EBF2: variants seen among roughly 807,000 people sequenced by gnomAD.
EBF2 encodes EBF transcription factor 2.
In EBF2, 21 loss-of-function variants were observed where a neutral mutation model predicts 72.8. That is an observed-to-expected ratio of 0.29 (90% confidence interval 0.20 to 0.42). The LOEUF (loss-of-function observed/expected upper bound fraction) is 0.42. EBF2 is among the 10% of genes least tolerant of loss of function. The probability of loss-of-function intolerance (pLI) is 1.00; values close to 1 mark genes in which losing one functional copy is unlikely to be tolerated. For synonymous variants in EBF2, 299 were observed against 274.2 expected (o/e 1.09, Z -0.89); for missense variants, 637 against 731.2 (o/e 0.87, Z 1.49).
At chr8:25,882,458 G>C (rs769464530) in intron 10 of EBF2, among the ~76,000 whole-genome samples, 7 of 152,204 alleles carry the variant, frequency 4.6e-5, no homozygotes, top group Non-Finnish European at 8.8e-5. Flanking sequence ...AGGTGGTGAA[G>C]TTTTCAGGAA....
intron 6 of EBF2, among the ~76,000 whole-genome samples, chr8:25,957,330 C>G (rs1429513447): frequency 6.6e-6 from 1 of 152,176 alleles, no homozygotes; most frequent in Non-Finnish European, 1.5e-5. Context: ...AACAAAGGCT[C>G]TAAAATACAC....
At chr8:26,026,185 A>T (rs1385721) in intron 6 of EBF2, among the ~76,000 whole-genome samples, 62,726 of 151,648 alleles carry the variant, frequency 0.41, 14,111 homozygotes, top group Middle Eastern at 0.58. Context: ...TCAAAAAGAA[A>T]TTTTTTTTAA....
At chr8:26,024,192 C>T (rs1035538028) in intron 6 of EBF2, among the ~76,000 whole-genome samples, 1 of 152,046 alleles carries the variant, frequency 6.6e-6, no homozygotes, top group African/African-American at 2.4e-5. Flanking sequence ...GCCATTCTGC[C>T]CCAATTTGTA....
At chr8:25,880,879 C>G (rs181008745) in intron 10 of EBF2, among the ~76,000 whole-genome samples, 1 of 152,144 alleles carries the variant, frequency 6.6e-6, no homozygotes, top group Admixed American at 6.5e-5. Flanking sequence ...TCCCTTAGCA[C>G]GTTATATCTT....
intron 6 of EBF2, among the ~76,000 whole-genome samples, chr8:25,909,157 G>C (rs1803086560): frequency 6.6e-6 from 1 of 152,242 alleles, no homozygotes; most frequent in East Asian, 1.9e-4. Flanking sequence ...AGATTATTCA[G>C]AGAAACATGA....
At chr8:25,847,788 A>G (rs900789995) in intron 15 of EBF2, among the ~76,000 whole-genome samples, 5 of 152,100 alleles carry the variant, frequency 3.3e-5, no homozygotes, top group African/African-American at 1.2e-4. Flanking sequence ...TCCACACGTC[A>G]CTTGATATTT....
In EBF2 at chr8:25,983,257, G is replaced by A. The variant is rs370331364; in HGVS notation, c.551+49828C>T. ...GAATCTATGAAAGCATGGAAAATGT[G>A]CATCATTGAGTGTGAAAGTTAAAAT... On this transcript the variant is annotated intron_variant, in intron 6 of 15. Coordinates refer to ENST00000520164, the MANE Select transcript of EBF2 (RefSeq NM_022659.4). 1.0e-3 allele frequency among the ~76,000 whole-genome samples: 154 copies of A among 152,284 alleles called. 1 individual carries two copies. The highest frequency in any genetic ancestry group is 3.6e-3 in the African/African-American group (150 of 41,560).
chr8:25,943,311 C>CAAAAAAA (rs71551840), intron 6 of EBF2, among the ~76,000 whole-genome samples: 36 of 59,030 alleles, frequency 6.1e-4, no homozygotes, highest in Non-Finnish European at 7.8e-4. Flanking sequence ...TGTCTCTACA[C>CAAAAAAA]AAAAAAAAAA....
At position 25,874,171 on chromosome 8, in the gene EBF2, A is replaced by G. The variant is rs1249713466; in HGVS notation, c.1010-11374T>C. 2.0e-5 allele frequency among the ~76,000 whole-genome samples: 3 copies of G among 152,046 alleles called. No homozygotes were observed. The East Asian group carries it at 5.8e-4, about 29-fold the overall frequency. On this transcript the variant is annotated intron_variant, in intron 10 of 15. Coordinates refer to ENST00000520164, the MANE Select transcript of EBF2 (RefSeq NM_022659.4). Reference sequence around the variant, plus strand: ...ATTTTTTTTTCCAGGATAACGCTATATGGGGAAAAAAAATGCGAAGTGGAT... The same window carrying G: ...ATTTTTTTTTCCAGGATAACGCTATGTGGGGAAAAAAAATGCGAAGTGGAT...
intron 7 of EBF2, among the ~76,000 whole-genome samples, chr8:25,896,566 C>A (rs777564073): frequency 6.6e-6 from 1 of 152,070 alleles, no homozygotes; most frequent in South Asian, 2.1e-4. Context: ...TATAACTGTT[C>A]GGTTGCCATA....
At chr8:25,963,540 G>C (rs1804070213) in intron 6 of EBF2, among the ~76,000 whole-genome samples, 1 of 152,142 alleles carries the variant, frequency 6.6e-6, no homozygotes, top group South Asian at 2.1e-4. Flanking sequence ...ATAGAGAACA[G>C]GAATGAAAAC....
intron 7 of EBF2, among the ~76,000 whole-genome samples, chr8:25,900,228 A>G (rs1185644218): frequency 6.6e-6 from 1 of 152,166 alleles, no homozygotes; most frequent in Non-Finnish European, 1.5e-5. Context: ...AGCCAAGGCG[A>G]GTGAATCACT....
chr8:25,944,203 G>A (rs1803727148), intron 6 of EBF2, among the ~76,000 whole-genome samples: 1 of 152,182 alleles, frequency 6.6e-6, no homozygotes, highest in South Asian at 2.1e-4. Flanking sequence ...CTAATGGAAG[G>A]AAAAGACATA....
intron 6 of EBF2, among the ~76,000 whole-genome samples, chr8:26,021,300 A>T (rs1249369327): frequency 6.6e-6 from 1 of 152,210 alleles, no homozygotes; most frequent in Non-Finnish European, 1.5e-5. Flanking sequence ...CTTTCTGCTC[A>T]CCTGTCTGCC....
At chr8:25,913,407 C>T (rs1006463874) in intron 6 of EBF2, among the ~76,000 whole-genome samples, 3 of 152,064 alleles carry the variant, frequency 2.0e-5, no homozygotes, top group Non-Finnish European at 4.4e-5. Flanking sequence ...CGCCACTGCA[C>T]TCCAACCTGG....
intron 7 of EBF2, among the ~76,000 whole-genome samples, chr8:25,891,655 G>A (rs1044527707): frequency 6.7e-6 from 1 of 150,024 alleles, no homozygotes; most frequent in African/African-American, 2.5e-5. Context: ...TTAGCTTACT[G>A]CAACCCCCAC....
intron 6 of EBF2, among the ~76,000 whole-genome samples, chr8:25,915,283 A>G (rs1295175666): frequency 7.1e-6 from 1 of 140,750 alleles, no homozygotes; most frequent in Non-Finnish European, 1.5e-5. Flanking sequence ...CAAGCTTTGG[A>G]AAAAAAAAAA....
chr8:26,040,763 G>A, intron 3 of EBF2, 92 bp from the exon 4 acceptor site: 1 of 1,500,938 alleles, frequency 6.7e-7, no homozygotes, highest in Non-Finnish European at 9.0e-7. Flanking sequence ...GGCCCAAGCA[G>A]CCTCTCCATG....
chr8:25,978,076 G>A (rs1362806228), intron 6 of EBF2, among the ~76,000 whole-genome samples: 2 of 152,236 alleles, frequency 1.3e-5, no homozygotes, highest in South Asian at 4.1e-4. Context: ...CAGCCCCAGA[G>A]GCCATCAGTA....
Sources: allele counts gnomAD v4.1 joint callset (sites outside exome capture counted in the v4.1 genomes callset), GRCh38; gene constraint gnomAD v4.1.1; transcripts MANE v1.5; gene names NCBI Gene and HGNC (gene_info 2026-07-23, HGNC 2026-07-21).